LINGO2: variants seen among roughly 807,000 people sequenced by gnomAD.
LINGO2 encodes leucine rich repeat and Ig domain containing 2, also known as leucine-rich repeat and immunoglobulin-like domain-containing nogo receptor-interacting protein 2.
LINGO2 carries 14 observed loss-of-function variants against 30.6 expected under a neutral mutation model. The observed-to-expected ratio is 0.46, with a 90% CI of 0.30 to 0.72. LINGO2 has a LOEUF of 0.72. LINGO2 is among the 30% of genes least tolerant of loss of function. The probability of loss-of-function intolerance (pLI) is 0.07; values close to 1 mark genes in which losing one functional copy is unlikely to be tolerated. For missense variants in LINGO2, 729 were observed against 751.7 expected (o/e 0.97, Z 0.35); for synonymous variants, 317 against 288.5 (o/e 1.10, Z -1.00).
chr9:28,062,011 G>T (rs1421688479), intron 4 of LINGO2, among the ~76,000 whole-genome samples: 1 of 152,076 alleles, frequency 6.6e-6, no homozygotes, highest in African/African-American at 2.4e-5. Context: ...TGAGATAGAG[G>T]TATTCTGTCT....
At chr9:28,860,926 TA>T in the LINGO2 span, among the ~76,000 whole-genome samples, 1 of 137,300 alleles carries the variant, frequency 7.3e-6, no homozygotes, top group African/African-American at 2.7e-5. Context: ...GCCTTATAAA[TA>T]AAAAAAGGTA....
At chr9:28,275,315 C>T (rs923396612) in intron 4 of LINGO2, among the ~76,000 whole-genome samples, 7 of 152,074 alleles carry the variant, frequency 4.6e-5, no homozygotes, top group South Asian at 4.2e-4. Context: ...CCTCATGATC[C>T]GCCTACCTTG....
chr9:28,690,948 G>C, the LINGO2 span, among the ~76,000 whole-genome samples: 1 of 152,170 alleles, frequency 6.6e-6, no homozygotes, highest in East Asian at 1.9e-4. Context: ...TCAGTATATA[G>C]AACAGGTAAA....
intron 2 of LINGO2, among the ~76,000 whole-genome samples, chr9:28,423,134 T>C (rs1330184735): frequency 2.0e-5 from 3 of 152,060 alleles, no homozygotes; most frequent in Admixed American, 2.0e-4. Flanking sequence ...TGAATGTATT[T>C]AGTGCCACTA....
chr9:28,149,114 C>G, intron 4 of LINGO2: 1 of 1,517,346 alleles, frequency 6.6e-7, no homozygotes, highest in Non-Finnish European at 8.8e-7. Context: ...ACGCCTCCAG[C>G]AGGGCAACAT....
chr9:28,881,066 G>A, the LINGO2 span, among the ~76,000 whole-genome samples: 2 of 152,040 alleles, frequency 1.3e-5, no homozygotes, highest in Admixed American at 6.6e-5. Flanking sequence ...CTCAGAGGCC[G>A]GTGCAGGTCT....
At chr9:29,203,811 T>TTTTGACAAAATTTGACATTTGACAAAATG in the LINGO2 span, among the ~76,000 whole-genome samples, 1 of 152,232 alleles carries the variant, frequency 6.6e-6, no homozygotes, top group Non-Finnish European at 1.5e-5. Flanking sequence ...GCAACATAGC[T>TTTTGACAAAATTTGACATTTGACAAAATG]TCCTATTTTG....
intron 1 of LINGO2, among the ~76,000 whole-genome samples, chr9:28,629,721 G>C (rs1315680883): frequency 6.6e-6 from 1 of 151,862 alleles, no homozygotes; most frequent in Non-Finnish European, 1.5e-5. Flanking sequence ...TAGAACTAGA[G>C]TACAATATAA....
the LINGO2 span, among the ~76,000 whole-genome samples, chr9:29,153,471 C>T: frequency 0.57 from 86,322 of 151,940 alleles, 24,581 homozygotes; most frequent in South Asian, 0.66. Flanking sequence ...ACAAAGAAGA[C>T]TGTTATGCAA....
chr9:27,979,091 C>T (rs1820736503), intron 5 of LINGO2, among the ~76,000 whole-genome samples: 1 of 151,966 alleles, frequency 6.6e-6, no homozygotes, highest in Non-Finnish European at 1.5e-5. Flanking sequence ...TACTTAATTG[C>T]TAAACCAGAA....
chr9:28,133,312 G>T (rs1312971482), intron 4 of LINGO2, among the ~76,000 whole-genome samples: 1 of 152,082 alleles, frequency 6.6e-6, no homozygotes, highest in Non-Finnish European at 1.5e-5. Flanking sequence ...AGTTTTGGGT[G>T]ATCTATTACT....
At position 28,650,536 on chromosome 9, in the gene LINGO2, T is replaced by C. The variant is rs563114353; in HGVS notation, c.-365+19664A>G. On this transcript the variant is annotated intron_variant, in intron 1 of 5. Transcript: ENST00000379992. The stretch of plus-strand genomic sequence containing the variant: ...TTTGAGATTCAAATAAAGTCCTCAC[T>C]TCCCTAGCCAAAGTCCTGTGGGAAG... Among the ~76,000 whole-genome samples the C allele has an allele frequency of 1.4e-4, 22 of 152,258 alleles. No individual in the cohort carries two copies. In the East Asian group the frequency reaches 4.3e-3, roughly 29 times the overall value.
At chr9:28,757,514 T>C in the LINGO2 span, among the ~76,000 whole-genome samples, 6 of 151,850 alleles carry the variant, frequency 4.0e-5, no homozygotes, top group African/African-American at 1.5e-4. Flanking sequence ...TATTTCCTTA[T>C]CTGTAAAATG....
At chr9:28,280,384 G>A (rs1036979555) in intron 4 of LINGO2, among the ~76,000 whole-genome samples, 4 of 152,048 alleles carry the variant, frequency 2.6e-5, no homozygotes, top group Non-Finnish European at 5.9e-5. Flanking sequence ...GGTAATATGG[G>A]AATACAAACA....
intron 4 of LINGO2, among the ~76,000 whole-genome samples, chr9:28,089,149 A>C (rs1312868492): frequency 2.0e-5 from 3 of 152,186 alleles, no homozygotes; most frequent in Non-Finnish European, 4.4e-5. Context: ...AACATTAGAC[A>C]GATCAACGAG....
the LINGO2 span, among the ~76,000 whole-genome samples, chr9:28,816,398 A>G: frequency 6.6e-6 from 1 of 152,238 alleles, no homozygotes; most frequent in African/African-American, 2.4e-5. Context: ...ACTCAATAAA[A>G]GAGTAATTGC....
At chr9:28,728,357 A>G in the LINGO2 span, among the ~76,000 whole-genome samples, 1 of 152,114 alleles carries the variant, frequency 6.6e-6, no homozygotes, top group African/African-American at 2.4e-5. Context: ...AGAGCAATCA[A>G]AAGTTAAATT....
chr9:28,600,313 T>C (rs1407910954), intron 1 of LINGO2, among the ~76,000 whole-genome samples: 1 of 152,196 alleles, frequency 6.6e-6, no homozygotes, highest in Non-Finnish European at 1.5e-5. Context: ...GAGCTTATTT[T>C]TGACTCCACC....
chr9:28,684,323 G>A, the LINGO2 span, among the ~76,000 whole-genome samples: 213 of 149,952 alleles, frequency 1.4e-3, 1 homozygote, highest in Non-Finnish European at 2.2e-3. Flanking sequence ...GAGTAGCTGG[G>A]ACTACAGGCG....
Sources: allele counts gnomAD v4.1 joint callset (sites outside exome capture counted in the v4.1 genomes callset), GRCh38; gene constraint gnomAD v4.1.1; transcripts MANE v1.5; gene names NCBI Gene and HGNC (gene_info 2026-07-23, HGNC 2026-07-21).